DOCK1: variants seen among roughly 807,000 people sequenced by gnomAD.
DOCK1 encodes the protein dedicator of cytokinesis 1.
A neutral mutation model predicts 262.7 loss-of-function variants in DOCK1; 138 were observed. The ratio of observed to expected loss-of-function variants is 0.53; its 90% CI spans 0.46 to 0.61. The LOEUF is 0.61. Among genes scored for constraint, DOCK1 ranks in the 20% least tolerant of loss-of-function variants. The pLI is 0.00. For synonymous variants in DOCK1, 866 were observed against 867.4 expected (o/e 1.00, Z 0.03); for missense variants, 1,908 against 2,370.7 (o/e 0.80, Z 4.05).
intron 27 of DOCK1, among the ~76,000 whole-genome samples, chr10:127,209,566 T>C (rs1041595888): frequency 2.9e-4 from 44 of 152,204 alleles, no homozygotes; most frequent in African/African-American, 9.9e-4. Context: ...TATTTCACAT[T>C]ATACCACTAG....
intron 28 of DOCK1, among the ~76,000 whole-genome samples, chr10:127,251,119 C>A (rs2059623770): frequency 6.6e-6 from 1 of 151,774 alleles, no homozygotes; most frequent in South Asian, 2.1e-4. Context: ...TGCACCACCA[C>A]ACCCGGCTAA....
intron 1 of DOCK1, among the ~76,000 whole-genome samples, chr10:126,936,453 A>C (rs1374783280): frequency 6.6e-6 from 1 of 152,228 alleles, no homozygotes; most frequent in Non-Finnish European, 1.5e-5. Context: ...ATTTATAGAC[A>C]GTGAAATTTG....
intron 1 of DOCK1, among the ~76,000 whole-genome samples, chr10:126,918,340 C>G (rs567515091): frequency 1.3e-5 from 2 of 152,258 alleles, no homozygotes; most frequent in African/African-American, 4.8e-5. Flanking sequence ...GCTTGCATGC[C>G]GCTGCCGCTG....
At chr10:127,322,951 T>A (rs992950484) in intron 29 of DOCK1, among the ~76,000 whole-genome samples, 7 of 152,354 alleles carry the variant, frequency 4.6e-5, no homozygotes, top group African/African-American at 1.4e-4. Flanking sequence ...TCAATCACTC[T>A]GATGTAACCT....
chr10:127,160,562 C>G (rs2053512350), intron 27 of DOCK1, among the ~76,000 whole-genome samples: 1 of 152,188 alleles, frequency 6.6e-6, no homozygotes, highest in Non-Finnish European at 1.5e-5. Flanking sequence ...GAGCTTCTAG[C>G]ATGTCAGGGA....
chr10:127,184,361 G>T (rs530412610), intron 27 of DOCK1, among the ~76,000 whole-genome samples: 1 of 131,862 alleles, frequency 7.6e-6, no homozygotes, highest in South Asian at 2.3e-4. Flanking sequence ...TGCCCTATTC[G>T]TTTTTGTTTT....
chr10:127,363,813 C>G (rs1565028253), intron 33 of DOCK1, among the ~76,000 whole-genome samples: 1 of 152,176 alleles, frequency 6.6e-6, no homozygotes, highest in Non-Finnish European at 1.5e-5. Context: ...AGTCTCCACA[C>G]TGTGAGTTGA....
chr10:127,362,666 A>G (rs2064531091), intron 33 of DOCK1, among the ~76,000 whole-genome samples: 1 of 152,182 alleles, frequency 6.6e-6, no homozygotes, highest in African/African-American at 2.4e-5. Flanking sequence ...ACTGATGAAA[A>G]TTCTCTAAGA....
chr10:127,407,326 A>C (rs896574323), intron 40 of DOCK1, among the ~76,000 whole-genome samples: 1 of 152,154 alleles, frequency 6.6e-6, no homozygotes, highest in South Asian at 2.1e-4. Context: ...GGGGAGGGCC[A>C]TTCCTCATAG....
chr10:127,300,363 A>G (rs762566545), intron 29 of DOCK1, among the ~76,000 whole-genome samples: 3 of 152,292 alleles, frequency 2.0e-5, no homozygotes, highest in Non-Finnish European at 4.4e-5. Flanking sequence ...AAAGCCAAAC[A>G]GGAAATGAGC....
chr10:126,951,089 TTGA>T (rs1429135572), intron 1 of DOCK1, among the ~76,000 whole-genome samples: 186 of 150,778 alleles, frequency 1.2e-3, no homozygotes, highest in African/African-American at 3.6e-3. Flanking sequence ...GTTTTTAGTA[TTGA>T]TGATAGTGGT....
intron 38 of DOCK1, among the ~76,000 whole-genome samples, chr10:127,394,817 G>A (rs1174825235): frequency 2.0e-5 from 3 of 152,102 alleles, no homozygotes; most frequent in Non-Finnish European, 2.9e-5. Context: ...ATACCGAGAT[G>A]GAGCCAGGCC....
At chr10:127,259,678 C>A (rs956484122) in intron 29 of DOCK1, among the ~76,000 whole-genome samples, 3 of 152,164 alleles carry the variant, frequency 2.0e-5, no homozygotes, top group African/African-American at 7.2e-5. Context: ...TGGGTGAGCA[C>A]TGCTCTGACA....
At chr10:127,271,501 T>A (rs1009266333) in intron 29 of DOCK1, among the ~76,000 whole-genome samples, 6 of 152,252 alleles carry the variant, frequency 3.9e-5, no homozygotes, top group African/African-American at 1.4e-4. Flanking sequence ...ATTGTAATTT[T>A]TCCATGGAAC....
chr10:127,009,421 T>C (rs769510357), intron 11 of DOCK1, among the ~76,000 whole-genome samples: 6 of 152,174 alleles, frequency 3.9e-5, no homozygotes, highest in Non-Finnish European at 8.8e-5. Flanking sequence ...CCCAGGGAAC[T>C]GGTGGGAAGA....
chr10:127,162,598 A>T (rs1444133884), intron 27 of DOCK1, among the ~76,000 whole-genome samples: 1 of 152,234 alleles, frequency 6.6e-6, no homozygotes, highest in Admixed American at 6.5e-5. Context: ...CCCTAAAGCC[A>T]GGAATCGAGA....
At chr10:127,131,357 C>G (rs2050314647) in intron 27 of DOCK1, among the ~76,000 whole-genome samples, 2 of 152,204 alleles carry the variant, frequency 1.3e-5, no homozygotes, top group Non-Finnish European at 2.9e-5. Context: ...TCCACCATCT[C>G]TAAGATCTGT....
At chr10:127,091,779 A>G (rs2047548097) in intron 23 of DOCK1, among the ~76,000 whole-genome samples, 1 of 152,246 alleles carries the variant, frequency 6.6e-6, no homozygotes, top group Admixed American at 6.5e-5. Context: ...AGGATGGTGA[A>G]GAGTCTCAGA....
intron 38 of DOCK1, among the ~76,000 whole-genome samples, chr10:127,386,089 G>A (rs887902040): frequency 3.9e-5 from 6 of 152,142 alleles, no homozygotes; most frequent in African/African-American, 1.2e-4. Context: ...GGCTGTTGAC[G>A]TAAACCAAAC....
Sources: allele counts gnomAD v4.1 joint callset (sites outside exome capture counted in the v4.1 genomes callset), GRCh38; gene constraint gnomAD v4.1.1; transcripts MANE v1.5; gene names NCBI Gene and HGNC (gene_info 2026-07-23, HGNC 2026-07-21).